BMS1: variants seen among roughly 807,000 people sequenced by gnomAD.
The protein encoded by BMS1 is ribosome biogenesis protein BMS1 homolog.
A neutral mutation model predicts 138.7 loss-of-function variants in BMS1; 53 were observed. The ratio of observed to expected loss-of-function variants is 0.38; its 90% CI spans 0.31 to 0.48. BMS1 has a LOEUF of 0.48. BMS1 is among the 20% of genes least tolerant of loss of function. The pLI is 0.97. For synonymous variants in BMS1, 504 were observed against 539.9 expected (o/e 0.93, Z 0.92); for missense variants, 1,360 against 1,565.5 (o/e 0.87, Z 2.22).
intron 13 of BMS1, among the ~76,000 whole-genome samples, chr10:42,802,580 A>G (rs1488966078): frequency 6.6e-6 from 1 of 151,996 alleles, no homozygotes; most frequent in Non-Finnish European, 1.5e-5. Flanking sequence ...TACATAACAT[A>G]CCAGAATTCT....
At chr10:42,815,164 C>T (rs1248165755) in intron 13 of BMS1, among the ~76,000 whole-genome samples, 6 of 152,110 alleles carry the variant, frequency 3.9e-5, no homozygotes, top group Non-Finnish European at 5.9e-5. Flanking sequence ...GGAGAATTGG[C>T]GTATTTTTGA....
intron 2 of BMS1, among the ~76,000 whole-genome samples, chr10:42,785,247 C>T (rs752739436): frequency 4.6e-5 from 7 of 152,124 alleles, no homozygotes; most frequent in Non-Finnish European, 8.8e-5. Flanking sequence ...GTATTGAAGT[C>T]ATCTTGTTAC....
chr10:42,795,105 A>T, intron 9 of BMS1, among the ~76,000 whole-genome samples: 1 of 144,604 alleles, frequency 6.9e-6, no homozygotes. Context: ...ATCCTTTTTT[A>T]TGGCTGCATA....
At chr10:42,798,668 A>G (rs367807228) in intron 12 of BMS1, 43 bp downstream of exon 12, 7 of 1,605,004 alleles carry the variant, frequency 4.4e-6, no homozygotes, top group Admixed American at 3.4e-5. Context: ...GAATTAGCGA[A>G]TTGTTCTAGA....
chr10:42,802,283 T>A, intron 13 of BMS1, 65 bp downstream of exon 13: 1 of 1,403,714 alleles, frequency 7.1e-7, no homozygotes, highest in Non-Finnish European at 9.9e-7. Flanking sequence ...TTCAGTATCT[T>A]AGACAATAGT....
Position 42,819,901 on chromosome 10 carries a change from C to G in BMS1, c.2581-335C>G, listed in dbSNP as rs181608805. On this transcript the variant is annotated intron_variant, in intron 15 of 22. Transcript: ENST00000374518. ...CCGTCTCCCGGGTTCAAGCAATTCT[C>G]TCACCTCTGCCTCCTGAGTAGCTGG... 2.9e-3 allele frequency among the ~76,000 whole-genome samples: 443 copies of G among 152,266 alleles called. 1 individual carries two copies. The highest frequency in any genetic ancestry group is 4.7e-3 in the Admixed American group (72 of 15,302).
chr10:42,785,366 T>C (rs1262121159), intron 2 of BMS1, 116 bp from the exon 3 acceptor site: 19 of 791,014 alleles, frequency 2.4e-5, no homozygotes, highest in Non-Finnish European at 2.9e-5. Context: ...TAAAATGTGC[T>C]AAAGTACTCA....
intron 12 of BMS1, among the ~76,000 whole-genome samples, chr10:42,801,791 T>G (rs1841883516): frequency 6.6e-6 from 1 of 152,236 alleles, no homozygotes; most frequent in Admixed American, 6.5e-5. Context: ...AGGTTTAGAT[T>G]AACAAATAGC....
chr10:42,825,926 G>A (rs995362628), intron 21 of BMS1, among the ~76,000 whole-genome samples: 3 of 152,250 alleles, frequency 2.0e-5, no homozygotes, highest in Admixed American at 6.5e-5. Flanking sequence ...GCTTTATTAC[G>A]TTGAGGAACT....
intron 12 of BMS1, among the ~76,000 whole-genome samples, chr10:42,799,194 C>T (rs529944685): frequency 5.3e-5 from 8 of 152,156 alleles, no homozygotes; most frequent in Non-Finnish European, 1.2e-4. Flanking sequence ...AATGCAGCCA[C>T]GACCTCCTGG....
At chr10:42,812,896 A>G (rs1178043221) in intron 13 of BMS1, among the ~76,000 whole-genome samples, 1 of 152,214 alleles carries the variant, frequency 6.6e-6, no homozygotes, top group Non-Finnish European at 1.5e-5. Context: ...AGAACTAGCC[A>G]GGTGGGGAGC....
intron 13 of BMS1, among the ~76,000 whole-genome samples, chr10:42,815,607 G>A (rs1842326796): frequency 6.6e-6 from 1 of 152,052 alleles, no homozygotes; most frequent in African/African-American, 2.4e-5. Context: ...TGTCACCCAG[G>A]CTGGAGTTCA....
chr10:42,786,613 T>C (rs1232986226), intron 3 of BMS1, among the ~76,000 whole-genome samples: 5 of 150,870 alleles, frequency 3.3e-5, no homozygotes, highest in South Asian at 2.1e-4. Flanking sequence ...TCTGTAGAGA[T>C]GGGGTTTCCC....
Position 42,820,947 on chromosome 10 carries a change from A to C in BMS1, c.2964A>C (p.Pro988=). 6.2e-7 allele frequency: 1 copy of C among 1,603,200 alleles called. No individual in the cohort carries two copies. Among genetic ancestry groups the C allele is most frequent in the East Asian group, 2.2e-5 (1 of 44,822 alleles). The change falls in exon 18 of 23, where the codon CCA becomes CCC. Residue 988 remains proline (P), a synonymous_variant. Transcript: ENST00000374518. ...CGAAFWGPIT[P]QGTGFLAIQS... is the part of the protein sequence containing the mutation. ...TTTTCCTTTAAGGCCCTATCACTCC[A>C]CAGGGAACTGGTTTCTTGGCAATAC...
chr10:42,792,622 C>A lies in BMS1; in HGVS notation c.901+8C>A. On this transcript the variant is annotated splice_region_variant and intron_variant, in intron 7 of 22. Coordinates refer to ENST00000374518, the MANE Select transcript of BMS1 (RefSeq NM_014753.4). The stretch of plus-strand genomic sequence containing the variant: ...GCCAAATTCACATGCCAGGTATTCT[C>A]TTGTTGTAGAACATACTAGAATTAC... 6.2e-7 allele frequency: 1 copy of A among 1,604,360 alleles called. No individual in the cohort carries two copies. Among genetic ancestry groups the A allele is most frequent in the South Asian group, 1.1e-5 (1 of 90,722 alleles).
chr10:42,806,529 G>C (rs988810429), intron 13 of BMS1, among the ~76,000 whole-genome samples: 1 of 152,078 alleles, frequency 6.6e-6, no homozygotes, highest in African/African-American at 2.4e-5. Flanking sequence ...GAGGTCAGGA[G>C]TTTGAGACCA....
At position 42,830,352 on chromosome 10, in the gene BMS1, A is replaced by C; in HGVS notation, c.3548A>C (p.Gln1183Pro). 6.2e-7 allele frequency: 1 copy of C among 1,614,024 alleles called. No homozygotes were observed. Among genetic ancestry groups the C allele is most frequent in the Non-Finnish European group, 8.5e-7 (1 of 1,180,012 alleles). The change falls in exon 22 of 23, where the codon CAA (glutamine) becomes CCA (proline). Residue 1183 changes from glutamine to proline, a missense_variant. By Grantham distance (76) the Gln-to-Pro change is moderately conservative. Coordinates refer to ENST00000374518, the MANE Select transcript of BMS1 (RefSeq NM_014753.4). ...ALPFKNKPKT[Q>P]AKAGKVPKDR... The stretch of plus-strand genomic sequence containing the variant: ...CCATTTAAGAACAAGCCCAAGACCC[A>C]AGCAAAGGCAGGCAAGGTGCCAAAG...
At chr10:42,830,093 G>A (rs1842758677) in intron 21 of BMS1, among the ~76,000 whole-genome samples, 168 bp from the exon 22 acceptor site, 1 of 152,122 alleles carries the variant, frequency 6.6e-6, no homozygotes, top group Non-Finnish European at 1.5e-5. Flanking sequence ...TGTCCACTGA[G>A]GCAGTTCATA....
At position 42,784,557 on chromosome 10, in the gene BMS1, C is replaced by G. The variant is rs775718030; in HGVS notation, c.163C>G (p.Arg55Gly). The change falls in exon 2 of 23, where the codon CGA becomes GGA. Residue 55 changes from arginine (R) to glycine (G), a missense_variant. Arg to Gly is a moderately radical substitution (Grantham distance 125). This residue lies in a region of BMS1 where 238 missense variants were observed against 311.1 expected (regional missense o/e 0.77). Transcript: ENST00000374518. ...AGTTCAGTCTGCTGTGCGGATGGCT[C>G]GATCCTTTCACAGGTATGTTAGGCT... is the stretch of plus-strand genomic sequence containing the variant. ...FAVQSAVRMA[R>G]SFHRTQDLKT... The G allele has an allele frequency of 2.7e-5, 43 of 1,611,848 alleles. No homozygotes were observed. The Middle Eastern group carries it at 1.5e-3, about 56-fold the overall frequency.
Sources: gnomAD v4.1 joint callset for allele counts (sites outside exome capture counted in the v4.1 genomes callset) on GRCh38, gnomAD v4.1.1 for gene constraint, gnomAD v4.1.1 regional missense constraint, MANE v1.5 for transcripts, NCBI Gene and HGNC (gene_info 2026-07-23, HGNC 2026-07-21) for gene names.